MCMBP: variants seen among roughly 807,000 people sequenced by gnomAD.
MCMBP encodes the protein minichromosome maintenance complex binding protein.
A neutral mutation model predicts 81.3 loss-of-function variants in MCMBP; 31 were observed. The observed-to-expected ratio is 0.38, with a 90% CI of 0.29 to 0.51. MCMBP has a LOEUF of 0.51. Ranked by LOEUF, MCMBP falls within the 20% of genes least tolerant of loss-of-function variation. MCMBP has a pLI of 0.87. For synonymous variants in MCMBP, 267 were observed against 275.9 expected (o/e 0.97, Z 0.32); for missense variants, 645 against 772.1 (o/e 0.84, Z 1.95).
At chr10:119,855,834 G>C (rs1853020133) in intron 5 of MCMBP, among the ~76,000 whole-genome samples, 1 of 152,158 alleles carries the variant, frequency 6.6e-6, no homozygotes, top group Non-Finnish European at 1.5e-5. Context: ...ACATTAAAAA[G>C]AAAATACTCT....
chr10:119,865,189 A>G (rs773079599), intron 1 of MCMBP, among the ~76,000 whole-genome samples: 1 of 152,152 alleles, frequency 6.6e-6, no homozygotes, highest in Non-Finnish European at 1.5e-5. Context: ...TGCATCATAC[A>G]TTTTGAAGCT....
chr10:119,834,769 G>A (rs1852176477), intron 14 of MCMBP, among the ~76,000 whole-genome samples: 1 of 149,588 alleles, frequency 6.7e-6, no homozygotes, highest in Non-Finnish European at 1.5e-5. Context: ...GCTGAAGTGG[G>A]AGGATCGCTT....
At chr10:119,850,143 C>T (rs1031867628) in intron 6 of MCMBP, among the ~76,000 whole-genome samples, 2 of 152,152 alleles carry the variant, frequency 1.3e-5, no homozygotes, top group African/African-American at 2.4e-5. Context: ...TGCCATACCA[C>T]GAAACACCAC....
intron 1 of MCMBP, among the ~76,000 whole-genome samples, chr10:119,862,630 A>G (rs1853301433): frequency 6.6e-6 from 1 of 152,224 alleles, no homozygotes; most frequent in South Asian, 2.1e-4. Context: ...TTTGACAACT[A>G]TAAACAAAAC....
intron 6 of MCMBP, among the ~76,000 whole-genome samples, chr10:119,851,864 T>C (rs1365607131): frequency 6.6e-6 from 1 of 152,108 alleles, no homozygotes; most frequent in Non-Finnish European, 1.5e-5. Flanking sequence ...ACTGTTAAAT[T>C]TGCCTTGGCC....
intron 14 of MCMBP, among the ~76,000 whole-genome samples, chr10:119,833,467 T>C (rs577506140): frequency 3.6e-5 from 5 of 139,042 alleles, no homozygotes; most frequent in African/African-American, 1.3e-4. Flanking sequence ...AAGCAAGACC[T>C]CATCACTACA....
intron 1 of MCMBP, among the ~76,000 whole-genome samples, chr10:119,860,265 T>A (rs1436381853): frequency 6.6e-6 from 1 of 152,228 alleles, no homozygotes; most frequent in Non-Finnish European, 1.5e-5. Context: ...ATGTAGTTTT[T>A]TTATCTTTAC....
At chr10:119,866,385 G>C (rs1853454426) in intron 1 of MCMBP, among the ~76,000 whole-genome samples, 1 of 152,192 alleles carries the variant, frequency 6.6e-6, no homozygotes, top group South Asian at 2.1e-4. Context: ...CAACACTTTG[G>C]GAGGCCGAGG....
chr10:119,852,292 A>C (rs1281640929), intron 6 of MCMBP, among the ~76,000 whole-genome samples: 1 of 152,158 alleles, frequency 6.6e-6, no homozygotes, highest in Non-Finnish European at 1.5e-5. Context: ...TGGATAGCAC[A>C]TACTCGAATA....
chr10:119,853,833 G>C (rs1000482115), intron 5 of MCMBP, among the ~76,000 whole-genome samples: 1 of 152,128 alleles, frequency 6.6e-6, no homozygotes, highest in African/African-American at 2.4e-5. Context: ...AGGCATTTGG[G>C]TAAGACCCAG....
At chr10:119,854,264 A>G (rs1589792437) in intron 5 of MCMBP, among the ~76,000 whole-genome samples, 1 of 150,486 alleles carries the variant, frequency 6.6e-6, no homozygotes, top group Admixed American at 6.6e-5. Flanking sequence ...TTGGTCTCAA[A>G]CTCCTGGCCT....
chr10:119,872,648 G>T lies in MCMBP; in HGVS notation c.-64C>A, dbSNP rs1853734693. On this transcript the variant is annotated 5_prime_UTR_variant, in exon 1 of 16. Coordinates refer to ENST00000369077, the MANE Select transcript of MCMBP (RefSeq NM_001256378.2). ...CGATCCGCGGGCCGAGCGCGGCCGG[G>T]CGGCCGGCGCCCAGCTCCTCTTCAG... is the stretch of plus-strand genomic sequence containing the variant. The T allele has an allele frequency of 1.8e-5, 17 of 938,034 alleles. No individual in the cohort carries two copies. Among genetic ancestry groups the T allele is most frequent in the East Asian group, 5.1e-5 (1 of 19,626 alleles). The allele number at this position is 938,034 out of a possible 1,614,324, so 58.1% of individuals were successfully genotyped here. A position where few individuals can be genotyped will look rare whatever the true frequency, so the allele number is the denominator to read the frequency against.
At chr10:119,836,045 G>A (rs562565702) in intron 13 of MCMBP, among the ~76,000 whole-genome samples, 1 of 152,308 alleles carries the variant, frequency 6.6e-6, no homozygotes, top group Non-Finnish European at 1.5e-5. Context: ...TGTTGTCCAG[G>A]CTGGCCTCAA....
rs1342107021 is a variant in MCMBP at position 119,835,695 on chromosome 10, G to C, written c.1552C>G (p.Gln518Glu). The C allele has an allele frequency of 6.2e-7, 1 of 1,614,050 alleles. No homozygotes were observed. The highest frequency in any genetic ancestry group is 8.5e-7 in the Non-Finnish European group (1 of 1,180,028). The stretch of plus-strand genomic sequence containing the variant: ...ATTAGCTGGGGCTGTAAGTGAATCT[G>C]GCAGTCTGCCTGAAAAGAGAAGGAG... The part of the protein sequence containing the change: ...EGRSLLPADC[Q>E]IHLQPQLIPP... The change falls in exon 14 of 16, where the codon CAG becomes GAG. Residue 518 changes from glutamine to glutamate, a missense_variant. Transcript: ENST00000369077.
chr10:119,842,366 A>C (rs761065125), intron 10 of MCMBP, 106 bp downstream of exon 10: 1 of 1,290,430 alleles, frequency 7.7e-7, no homozygotes, highest in Non-Finnish European at 1.1e-6. Context: ...AAACCATGTG[A>C]TGAAGCCCAA....
chr10:119,862,278 G>A (rs1853284404), intron 1 of MCMBP, among the ~76,000 whole-genome samples: 1 of 152,084 alleles, frequency 6.6e-6, no homozygotes, highest in African/African-American at 2.4e-5. Flanking sequence ...TTGCACTCCA[G>A]CCTGGGCGAC....
chr10:119,843,114 C>A, intron 9 of MCMBP, 140 bp downstream of exon 9: 6 of 931,730 alleles, frequency 6.4e-6, no homozygotes, highest in African/African-American at 1.6e-5. Flanking sequence ...AATGGGGCAA[C>A]GAGAGAGAGA....
rs1260630426 is a variant in MCMBP, at chr10:119,859,299, CA to C, written c.145-119del. 121 of 830,074 alleles carry C rather than the reference CA, an allele frequency of 1.5e-4. 1 individual carries two copies. In the African/African-American group the frequency reaches 1.7e-3, roughly 11 times the overall value. The allele number at this position is 830,074 out of a possible 1,614,324, so 51.4% of individuals were successfully genotyped here. ...TTACACACACACACACACACACACA[CA>C]CACACCCATGCCACATCAGAGAGCC... On this transcript the variant is annotated intron_variant, in intron 2 of 15. Coordinates refer to ENST00000369077, the MANE Select transcript of MCMBP (RefSeq NM_001256378.2).
chr10:119,872,207 C>G (rs56057251), intron 1 of MCMBP, among the ~76,000 whole-genome samples: 16,498 of 152,064 alleles, frequency 0.11, 952 homozygotes, highest in South Asian at 0.17. Context: ...GGGGCCGGGG[C>G]CCTGGCCCTG....
Sources: gnomAD v4.1 joint callset for allele counts (sites outside exome capture counted in the v4.1 genomes callset) on GRCh38, gnomAD v4.1.1 for gene constraint, MANE v1.5 for transcripts, NCBI Gene and HGNC (gene_info 2026-07-23, HGNC 2026-07-21) for gene names.